TENM1: variants seen among roughly 807,000 people sequenced by gnomAD.
TENM1 encodes the protein teneurin-1.
TENM1 carries 35 observed loss-of-function variants against 174.8 expected under a neutral mutation model. The observed-to-expected ratio is 0.20, with a 90% CI of 0.15 to 0.27. The LOEUF (loss-of-function observed/expected upper bound fraction) is 0.27. Among genes scored for constraint, TENM1 ranks in the 10% least tolerant of loss-of-function variants. TENM1 has a pLI of 1.00. For synonymous variants in TENM1, 781 were observed against 798.7 expected (o/e 0.98, Z 0.37); for missense variants, 1,633 against 2,130.1 (o/e 0.77, Z 4.59).
At chrX:124,616,319 C>G in intron 11 of TENM1, among the ~76,000 whole-genome samples, 1 of 112,594 alleles carries the variant, frequency 8.9e-6, no homozygotes, top group Non-Finnish European at 1.9e-5. Context: ...AGTTGATAGC[C>G]TCAAATTAAA....
At chrX:124,781,964 G>A (rs189147823) in intron 3 of TENM1, among the ~76,000 whole-genome samples, 31 of 111,596 alleles carry the variant, frequency 2.8e-4, no homozygotes, top group Middle Eastern at 4.6e-3. Context: ...GCAGATAACT[G>A]TATACATATG....
intron 3 of TENM1, among the ~76,000 whole-genome samples, chrX:124,850,895 C>T (rs1167482753): frequency 9.0e-6 from 1 of 111,492 alleles, no homozygotes; most frequent in Non-Finnish European, 1.9e-5. Flanking sequence ...TAACCACAGG[C>T]ATTTAGAATT....
chrX:124,497,649 C>A (rs1388047452), intron 19 of TENM1, among the ~76,000 whole-genome samples: 4 of 111,602 alleles, frequency 3.6e-5, no homozygotes, highest in Non-Finnish European at 7.5e-5. Flanking sequence ...ACATACCCGT[C>A]TGACTTCAAA....
At chrX:125,197,287 CAT>C in the TENM1 span, among the ~76,000 whole-genome samples, 1 of 111,773 alleles carries the variant, frequency 8.9e-6, no homozygotes, top group Non-Finnish European at 1.9e-5. Context: ...TTGAAAGTTA[CAT>C]ATATATGTAT....
chrX:124,580,292 G>A (rs915859423), intron 11 of TENM1, among the ~76,000 whole-genome samples: 1 of 111,123 alleles, frequency 9.0e-6, no homozygotes, highest in African/African-American at 3.3e-5. Flanking sequence ...AGGAGATCCT[G>A]CCATTTGCTA....
chrX:124,544,818 G>C (rs2048394739), intron 15 of TENM1, among the ~76,000 whole-genome samples: 1 of 111,830 alleles, frequency 8.9e-6, no homozygotes, highest in Admixed American at 9.5e-5. Context: ...TTTGGGGCAA[G>C]TTATTTAATC....
the TENM1 span, among the ~76,000 whole-genome samples, chrX:125,066,233 G>C: frequency 1.8e-5 from 2 of 111,674 alleles, no homozygotes; most frequent in Non-Finnish European, 3.8e-5. Context: ...ACAACGTTAA[G>C]AGTATTCCAT....
chrX:125,111,760 C>T, the TENM1 span, among the ~76,000 whole-genome samples: 3 of 111,517 alleles, frequency 2.7e-5, no homozygotes, highest in East Asian at 2.8e-4. Flanking sequence ...ATTTAATGAC[C>T]GTGCTACAAT....
At position 124,561,912 on chromosome X, in the gene TENM1, G is replaced by C. The variant is rs568925212; in HGVS notation, c.2288-95C>G. 4.1e-5 allele frequency: 37 copies of C among 910,298 alleles called. No homozygotes were observed. The South Asian group carries it at 6.6e-4, about 16-fold the overall frequency. The allele number at this position is 910,298 out of a possible 1,213,427, so 75.0% of individuals were successfully genotyped here. A position where few individuals can be genotyped will look rare whatever the true frequency, so the allele number is the denominator to read the frequency against. ...CCTATAGGGAAGCATCTAACCATCT[G>C]GGCCCCATTCAGATGAGGTGTTGAA... is the stretch of plus-strand genomic sequence containing the variant. On this transcript the variant is annotated intron_variant, in intron 13 of 31. Coordinates refer to ENST00000422452, the Ensembl canonical transcript of TENM1.
intron 3 of TENM1, among the ~76,000 whole-genome samples, chrX:124,840,266 C>A (rs1296434165): frequency 9.0e-6 from 1 of 111,415 alleles, no homozygotes; most frequent in Non-Finnish European, 1.9e-5. Flanking sequence ...TTTTGATACA[C>A]CCATCAACTA....
At chrX:124,799,733 T>G (rs775937572) in intron 3 of TENM1, among the ~76,000 whole-genome samples, 1 of 111,844 alleles carries the variant, frequency 8.9e-6, no homozygotes, top group South Asian at 3.8e-4. Flanking sequence ...ATATTGGCTG[T>G]GGGTTTGTCA....
chrX:124,707,378 G>C (rs1280326227), intron 4 of TENM1, among the ~76,000 whole-genome samples: 4 of 110,402 alleles, frequency 3.6e-5, no homozygotes, highest in Non-Finnish European at 7.6e-5. Flanking sequence ...ATATTTATGG[G>C]GTACATATGA....
At chrX:124,988,932 A>T in the TENM1 span, among the ~76,000 whole-genome samples, 1 of 112,145 alleles carries the variant, frequency 8.9e-6, no homozygotes, top group Non-Finnish European at 1.9e-5. Context: ...AAGGCTATTT[A>T]AAAACTTATA....
Position 124,896,207 on chromosome X carries a change from G to A in TENM1, c.252C>T (p.Cys84=), listed in dbSNP as rs773163510. Residue 84 remains cysteine, a synonymous_variant, in exon 2 of 32, where the codon TGC becomes TGT. Transcript: ENST00000422452. Reference sequence around the variant, plus strand: ...TGTGCATGTCTGTTTGGTAGCCAGAGCACAGAGTGTGAGAGGTTTCACAGA... The same window carrying A: ...TGTGCATGTCTGTTTGGTAGCCAGAACACAGAGTGTGAGAGGTTTCACAGA... 5.0e-6 allele frequency: 6 copies of A among 1,211,011 alleles called. No individual in the cohort carries two copies. In the South Asian group the frequency reaches 1.1e-4, roughly 21 times the overall value.
chrX:124,943,089 T>C (rs925892646), intron 1 of TENM1, among the ~76,000 whole-genome samples: 1 of 111,653 alleles, frequency 9.0e-6, no homozygotes, highest in African/African-American at 3.3e-5. Context: ...TTTTAGGTCT[T>C]TGATTAACTG....
chrX:125,140,087 A>C, the TENM1 span, among the ~76,000 whole-genome samples: 2 of 111,757 alleles, frequency 1.8e-5, no homozygotes, highest in African/African-American at 3.3e-5. Context: ...CATCCAGCAC[A>C]TCTTATTTAT....
chrX:124,969,721 A>T, the TENM1 span, among the ~76,000 whole-genome samples: 1 of 111,635 alleles, frequency 9.0e-6, no homozygotes, highest in Non-Finnish European at 1.9e-5. Flanking sequence ...TTCAATTCCT[A>T]CAGTCTGTCT....
chrX:125,135,196 A>C, the TENM1 span, among the ~76,000 whole-genome samples: 1 of 111,804 alleles, frequency 8.9e-6, no homozygotes, highest in Non-Finnish European at 1.9e-5. Flanking sequence ...GCTGGGTTTC[A>C]TCCTTAACAC....
chrX:124,817,250 G>A (rs1045104195), intron 3 of TENM1, among the ~76,000 whole-genome samples: 1 of 111,474 alleles, frequency 9.0e-6, no homozygotes, highest in African/African-American at 3.3e-5. Context: ...AGTATTCCAT[G>A]GTGTATATGC....
Sources: gnomAD v4.1 joint callset for allele counts (sites outside exome capture counted in the v4.1 genomes callset) on GRCh38, gnomAD v4.1.1 for gene constraint, MANE v1.5 for transcripts, NCBI Gene and HGNC (gene_info 2026-07-23, HGNC 2026-07-21) for gene names.